The following NCOA2 variants were observed in gnomAD, a reference collection of about 807,000 sequenced individuals.
NCOA2 encodes the protein class E basic helix-loop-helix protein 75.
A neutral mutation model predicts 145.1 loss-of-function variants in NCOA2; 21 were observed. The observed-to-expected ratio is 0.14, with a 90% CI of 0.10 to 0.21. The LOEUF is 0.21. NCOA2 is among the 10% of genes least tolerant of loss of function. The pLI is 1.00. For missense variants in NCOA2, 1,472 were observed against 1,837.6 expected (o/e 0.80, Z 3.64); for synonymous variants, 619 against 637.5 (o/e 0.97, Z 0.44).
chr8:70,213,094 CAAAAAA>C (rs951962965), intron 4 of NCOA2, among the ~76,000 whole-genome samples: 1 of 77,660 alleles, frequency 1.3e-5, no homozygotes, highest in African/African-American at 4.2e-5. Context: ...AAAAAAACAC[CAAAAAA>C]AAAAAAAAAA....
intron 4 of NCOA2, among the ~76,000 whole-genome samples, chr8:70,200,616 C>T (rs187615624): frequency 6.6e-6 from 1 of 152,220 alleles, no homozygotes; most frequent in East Asian, 1.9e-4. Flanking sequence ...ACAATAATTG[C>T]TACAACATGG....
intron 1 of NCOA2, among the ~76,000 whole-genome samples, chr8:70,360,942 C>CAAAA (rs1213854420): frequency 3.6e-5 from 2 of 55,314 alleles, no homozygotes; most frequent in Non-Finnish European, 4.2e-5. Context: ...GATTCCAGCT[C>CAAAA]AAAAAAAAAA....
At chr8:70,409,519 T>TA in the NCOA2 span, among the ~76,000 whole-genome samples, 166 of 152,324 alleles carry the variant, frequency 1.1e-3, no homozygotes, top group African/African-American at 3.9e-3. Flanking sequence ...AGTGACTTCT[T>TA]ACCATACACA....
At chr8:70,122,105 T>C (rs1225378200) in intron 21 of NCOA2, among the ~76,000 whole-genome samples, 1 of 152,188 alleles carries the variant, frequency 6.6e-6, no homozygotes, top group African/African-American at 2.4e-5. Flanking sequence ...CGTATTACAC[T>C]AGACTATCTC....
At chr8:70,274,758 A>G (rs1825345016) in intron 2 of NCOA2, among the ~76,000 whole-genome samples, 1 of 152,208 alleles carries the variant, frequency 6.6e-6, no homozygotes, top group African/African-American at 2.4e-5. Context: ...AGACTCCTTT[A>G]CAAAATCACT....
intron 1 of NCOA2, among the ~76,000 whole-genome samples, chr8:70,403,472 C>A (rs1465116217): frequency 1.3e-5 from 2 of 151,490 alleles, no homozygotes; most frequent in African/African-American, 4.8e-5. Flanking sequence ...GCCCTCCCCA[C>A]CCCCAAGCCC....
At chr8:70,118,235 C>T (rs891896081) in intron 22 of NCOA2, among the ~76,000 whole-genome samples, 8 of 152,204 alleles carry the variant, frequency 5.3e-5, no homozygotes, top group African/African-American at 1.4e-4. Flanking sequence ...AGATATGATA[C>T]GCTCAGAGGT....
At chr8:70,155,558 T>C (rs1297756474) in intron 11 of NCOA2, among the ~76,000 whole-genome samples, 1 of 152,180 alleles carries the variant, frequency 6.6e-6, no homozygotes, top group Non-Finnish European at 1.5e-5. Context: ...TTAAAAACAT[T>C]TTAAATATTT....
At chr8:70,225,941 T>G (rs767196256) in intron 2 of NCOA2, among the ~76,000 whole-genome samples, 7 of 152,154 alleles carry the variant, frequency 4.6e-5, no homozygotes, top group Non-Finnish European at 5.9e-5. Context: ...ATAGGCTTGC[T>G]GAGAGCATGA....
intron 1 of NCOA2, among the ~76,000 whole-genome samples, chr8:70,319,935 GA>G (rs1357819807): frequency 6.6e-6 from 1 of 152,152 alleles, no homozygotes; most frequent in African/African-American, 2.4e-5. Context: ...TTGCTTCTGT[GA>G]TATTTTTAAC....
At position 70,110,998 on chromosome 8, in the gene NCOA2, T is replaced by TG. The variant is rs758415072; in HGVS notation, c.*2633dup. 3 of 223,508 alleles carry TG rather than the reference T, an allele frequency of 1.3e-5. No individual in the cohort carries two copies. Among genetic ancestry groups the TG allele is most frequent in the Non-Finnish European group, 2.7e-5 (3 of 112,072 alleles). The allele number at this position is 223,508 out of a possible 1,614,324, so 13.8% of individuals were successfully genotyped here. A position where few individuals can be genotyped will look rare whatever the true frequency, so the allele number is the denominator to read the frequency against. On this transcript the variant is annotated 3_prime_UTR_variant, in exon 23 of 23. Transcript: ENST00000452400. ...TGTACAGCATGAGAAATACTGATAA[T>TG]GAAGGGAACTGATTTGGCTTTTGCT...
At chr8:70,439,664 TC>T in the NCOA2 span, among the ~76,000 whole-genome samples, 7 of 85,688 alleles carry the variant, frequency 8.2e-5, no homozygotes, top group Non-Finnish European at 1.3e-4. Context: ...GCAGAGGCAT[TC>T]CCAGGGTGGA....
intron 2 of NCOA2, among the ~76,000 whole-genome samples, chr8:70,223,499 T>C (rs967171436): frequency 2.0e-5 from 3 of 152,222 alleles, no homozygotes; most frequent in African/African-American, 7.2e-5. Context: ...ACTTAGCACA[T>C]ATTTCCTTGC....
At chr8:70,422,582 C>T in the NCOA2 span, among the ~76,000 whole-genome samples, 10 of 151,798 alleles carry the variant, frequency 6.6e-5, no homozygotes, top group African/African-American at 2.2e-4. Flanking sequence ...AGCTAATTTT[C>T]GTGTTTTTGG....
intron 1 of NCOA2, among the ~76,000 whole-genome samples, chr8:70,332,815 G>A (rs1807225346): frequency 6.6e-6 from 1 of 152,052 alleles, no homozygotes; most frequent in African/African-American, 2.4e-5. Flanking sequence ...CATGCTTTAC[G>A]AAAGCTGGGA....
At chr8:70,303,439 G>C (rs1191647068) in intron 1 of NCOA2, among the ~76,000 whole-genome samples, 3 of 152,166 alleles carry the variant, frequency 2.0e-5, no homozygotes, top group African/African-American at 7.2e-5. Flanking sequence ...TGGAAATTAA[G>C]ATTTCTACTT....
At chr8:70,403,226 G>A (rs1814530701) in intron 1 of NCOA2, among the ~76,000 whole-genome samples, 2 of 151,472 alleles carry the variant, frequency 1.3e-5, no homozygotes, top group Non-Finnish European at 3.0e-5. Flanking sequence ...CTGCCCCCGA[G>A]GGGTTAGAGC....
intron 1 of NCOA2, among the ~76,000 whole-genome samples, chr8:70,397,636 C>A (rs1370281800): frequency 6.6e-6 from 1 of 152,172 alleles, no homozygotes; most frequent in Non-Finnish European, 1.5e-5. Flanking sequence ...CGCCTATCAC[C>A]TTCGCCCAAC....
At chr8:70,177,010 T>C (rs1457839944) in intron 4 of NCOA2, among the ~76,000 whole-genome samples, 2 of 152,238 alleles carry the variant, frequency 1.3e-5, no homozygotes, top group Admixed American at 6.5e-5. Flanking sequence ...ACTTCTTTAT[T>C]GTCTTCAGTG....
Sources: gnomAD v4.1 joint callset for allele counts (sites outside exome capture counted in the v4.1 genomes callset) on GRCh38, gnomAD v4.1.1 for gene constraint, MANE v1.5 for transcripts, NCBI Gene and HGNC (gene_info 2026-07-23, HGNC 2026-07-21) for gene names.